The following ZNF880 variants were observed in gnomAD, a reference collection of about 807,000 sequenced individuals.
The protein encoded by ZNF880 is zinc finger protein LOC400713.
Under a neutral mutation model 11.8 loss-of-function variants are expected in ZNF880, and 12 were observed. That is an observed-to-expected ratio of 1.02 (90% CI 0.65 to 1.65). The LOEUF (loss-of-function observed/expected upper bound fraction) is 1.65. ZNF880 is among the 40% of genes most tolerant of loss of function. ZNF880 has a pLI of 0.00. For synonymous variants in ZNF880, 210 were observed against 232.4 expected (o/e 0.90, Z 0.88); for missense variants, 601 against 673.9 (o/e 0.89, Z 1.20).
At chr19:52,373,316 A>T (rs1401986008) in intron 2 of ZNF880, 79 bp downstream of exon 2, 6 of 1,454,492 alleles carry the variant, frequency 4.1e-6, no homozygotes, top group Non-Finnish European at 3.7e-6. Flanking sequence ...TTAGCATCTT[A>T]GGAGTCACTG....
chr19:52,382,732 T>G (rs1222012928), intron 3 of ZNF880, among the ~76,000 whole-genome samples: 1 of 152,226 alleles, frequency 6.6e-6, no homozygotes, highest in Admixed American at 6.5e-5. Context: ...CTTTTGATAA[T>G]TTCTGTATAG....
intron 3 of ZNF880, among the ~76,000 whole-genome samples, chr19:52,377,701 T>A (rs781771417): frequency 6.6e-6 from 1 of 152,140 alleles, no homozygotes; most frequent in Non-Finnish European, 1.5e-5. Context: ...CGCTGAAGGA[T>A]GTTTTGAAGG....
chr19:52,374,098 C>G (rs1986479603), intron 2 of ZNF880, among the ~76,000 whole-genome samples: 1 of 151,788 alleles, frequency 6.6e-6, no homozygotes, highest in African/African-American at 2.4e-5. Context: ...CAGAGTCTCG[C>G]TCTGTCGCCC....
At chr19:52,369,594 G>A (rs575231216), upstream of ZNF880, among the ~76,000 whole-genome samples, 192 of 152,110 alleles carry the variant, frequency 1.3e-3, no homozygotes, top group Non-Finnish European at 2.4e-3. Flanking sequence ...AGGCGGGAGT[G>A]CAGCGCACGA....
chr19:52,394,320 G>C, the ZNF880 span, among the ~76,000 whole-genome samples: 1 of 152,038 alleles, frequency 6.6e-6, no homozygotes, highest in Non-Finnish European at 1.5e-5. Flanking sequence ...ACTGCAACCT[G>C]TGTCCTGCAG....
At chr19:52,374,769 T>A in intron 3 of ZNF880, 1 of 550,476 alleles carries the variant, frequency 1.8e-6, no homozygotes, top group Admixed American at 3.1e-5. Context: ...GTTCTTGCTC[T>A]GTTGCCCAGG....
At chr19:52,369,457 C>T (rs1179287254), upstream of ZNF880, among the ~76,000 whole-genome samples, 2 of 151,360 alleles carry the variant, frequency 1.3e-5, no homozygotes, top group African/African-American at 4.8e-5. Context: ...ATAAACAATT[C>T]AAGGACTTTA....
chr19:52,393,937 C>T, the ZNF880 span, among the ~76,000 whole-genome samples: 39,605 of 148,742 alleles, frequency 0.27, 5,646 homozygotes, highest in East Asian at 0.4. Context: ...CCTGAGTTCA[C>T]GCCATTCTCC....
chr19:52,389,619 G>C (rs2058700323), downstream of ZNF880: 1 of 152,240 alleles, frequency 6.6e-6, no homozygotes, highest in South Asian at 2.1e-4. Flanking sequence ...TACTTTTCCA[G>C]GCACATGGTG....
intron 3 of ZNF880, among the ~76,000 whole-genome samples, chr19:52,382,566 T>C (rs1352026451): frequency 6.6e-6 from 1 of 152,176 alleles, no homozygotes; most frequent in Non-Finnish European, 1.5e-5. Flanking sequence ...TTGGTTGATA[T>C]TTTTGCTTTT....
chr19:52,373,017 T>G, intron 1 of ZNF880, 94 bp from the exon 2 acceptor site: 1 of 1,316,548 alleles, frequency 7.6e-7, no homozygotes, highest in South Asian at 1.2e-5. Flanking sequence ...TTAACGTGGA[T>G]TTGTCAGAAC....
the ZNF880 span, among the ~76,000 whole-genome samples, chr19:52,393,411 C>CTT: frequency 3.4e-3 from 500 of 146,456 alleles, 3 homozygotes; most frequent in East Asian, 0.038. Context: ...TTCTTTCTTT[C>CTT]TTTTTTTTTT....
chr19:52,371,523 C>G (rs2122343641), intron 1 of ZNF880, among the ~76,000 whole-genome samples: 1 of 151,990 alleles, frequency 6.6e-6, no homozygotes, highest in East Asian at 1.9e-4. Context: ...TTACAGGTGC[C>G]CACCAGTACG....
chr19:52,374,430 A>G lies in ZNF880; in HGVS notation c.268+3A>G. 6.2e-7 allele frequency: 1 copy of G among 1,610,172 alleles called. No homozygotes were observed. The highest frequency in any genetic ancestry group is 8.5e-7 in the Non-Finnish European group (1 of 1,178,100). On this transcript the variant is annotated splice_donor_region_variant and intron_variant, in intron 3 of 3. Transcript: ENST00000422689. ...GTGCATCAAAGGTGTGAACGCAGGT[A>G]AGAGCTTGGATGGCCAGAGTGGAGG... is the stretch of plus-strand genomic sequence containing the variant.
chr19:52,375,604 G>A (rs529479730), intron 3 of ZNF880, among the ~76,000 whole-genome samples: 5 of 152,142 alleles, frequency 3.3e-5, no homozygotes, highest in South Asian at 2.1e-4. Context: ...CCCATCACCC[G>A]AGCATTGTAC....
At chr19:52,373,343 T>G (rs1029955423) in intron 2 of ZNF880, 106 bp downstream of exon 2, 106 of 1,191,304 alleles carry the variant, frequency 8.9e-5, no homozygotes, top group African/African-American at 1.7e-4. Context: ...TTGACTGAGA[T>G]TGAAACCCTG....
rs199840726 is a variant in ZNF880 at position 52,384,398 on chromosome 19, G to C, written c.818G>C (p.Cys273Ser). Residue 273 changes from cysteine (C) to serine (S), a missense_variant, in exon 4 of 4, where the codon TGT (cysteine) becomes TCT (serine). This residue lies in a region of ZNF880 where 420 missense variants were observed against 442.6 expected (regional missense o/e 0.95). Transcript: ENST00000422689. Reference protein sequence around the residue: ...TGEKPYKCHECGKVFTQNSHL... With the variant: ...TGEKPYKCHESGKVFTQNSHL... Reference sequence around the variant, plus strand: ...GAGAAACCTTACAAATGTCATGAGTGTGGCAAAGTCTTCACTCAAAATTCT... The same window carrying C: ...GAGAAACCTTACAAATGTCATGAGTCTGGCAAAGTCTTCACTCAAAATTCT... 77 of 1,613,934 alleles carry C rather than the reference G, an allele frequency of 4.8e-5. No homozygotes were observed. Among genetic ancestry groups the C allele is most frequent in the Non-Finnish European group, 5.9e-5 (70 of 1,179,964 alleles).
chr19:52,375,927 C>A (rs1373018850), intron 3 of ZNF880, among the ~76,000 whole-genome samples: 4 of 152,212 alleles, frequency 2.6e-5, no homozygotes, highest in Non-Finnish European at 4.4e-5. Flanking sequence ...TCCCACCTGG[C>A]CTGCCTAAGT....
chr19:52,396,098 G>T, the ZNF880 span, among the ~76,000 whole-genome samples: 149 of 150,864 alleles, frequency 9.9e-4, no homozygotes, highest in East Asian at 0.013. Context: ...GGGACTACAG[G>T]CGTGTGCCAC....
Sources: gnomAD v4.1 joint callset for allele counts (sites outside exome capture counted in the v4.1 genomes callset) on GRCh38, gnomAD v4.1.1 for gene constraint, gnomAD v4.1.1 regional missense constraint, MANE v1.5 for transcripts, NCBI Gene and HGNC (gene_info 2026-07-23, HGNC 2026-07-21) for gene names.